Variants in NBEA observed in about 807,000 individuals in gnomAD.
NBEA encodes lysosomal-trafficking regulator 2.
NBEA carries 44 observed loss-of-function variants against 343.4 expected under a neutral mutation model. The ratio of observed to expected loss-of-function variants is 0.13; its 90% CI spans 0.10 to 0.16. The LOEUF is 0.16. Ranked by LOEUF, NBEA falls within the 10% of genes least tolerant of loss-of-function variation. NBEA has a pLI of 1.00. For synonymous variants in NBEA, 1,175 were observed against 1,238.7 expected (o/e 0.95, Z 1.08); for missense variants, 2,555 against 3,631.3 (o/e 0.70, Z 7.62).
intron 34 of NBEA, among the ~76,000 whole-genome samples, chr13:35,273,493 CAAG>C (rs1414962678): frequency 1.3e-5 from 2 of 151,972 alleles, no homozygotes; most frequent in African/African-American, 2.4e-5. Context: ...TAGCAGAAGA[CAAG>C]AAATAACTAA....
At chr13:35,652,688 CTTT>C (rs766315741) in intron 53 of NBEA, among the ~76,000 whole-genome samples, 11,460 of 67,720 alleles carry the variant, frequency 0.17, 606 homozygotes, top group South Asian at 0.3. Flanking sequence ...TTCTGGCAGT[CTTT>C]TTTTTTTTTT....
At chr13:35,266,876 C>T (rs935081334) in intron 34 of NBEA, among the ~76,000 whole-genome samples, 17 of 151,702 alleles carry the variant, frequency 1.1e-4, no homozygotes, top group Admixed American at 1.1e-3. Context: ...TTTTCAACTC[C>T]CCAAAACTTA....
chr13:35,276,844 C>T (rs1413107034), intron 34 of NBEA, among the ~76,000 whole-genome samples: 1 of 152,138 alleles, frequency 6.6e-6, no homozygotes, highest in Non-Finnish European at 1.5e-5. Flanking sequence ...CCTCAGGTTG[C>T]TCTAAGCAAA....
intron 31 of NBEA, among the ~76,000 whole-genome samples, chr13:35,206,424 G>C (rs1430775104): frequency 1.3e-5 from 2 of 152,068 alleles, no homozygotes; most frequent in Admixed American, 1.3e-4. Flanking sequence ...GCAGAAAAAA[G>C]AGCATTATAC....
chr13:35,449,829 G>A (rs576727122), intron 39 of NBEA, among the ~76,000 whole-genome samples: 3 of 152,114 alleles, frequency 2.0e-5, no homozygotes, highest in Non-Finnish European at 4.4e-5. Context: ...GCATTGATTT[G>A]TCATAATACT....
At chr13:35,538,649 G>A (rs2078668230) in intron 41 of NBEA, among the ~76,000 whole-genome samples, 1 of 152,190 alleles carries the variant, frequency 6.6e-6, no homozygotes, top group Non-Finnish European at 1.5e-5. Context: ...TTAGAAGGTA[G>A]GAGGTTGTAC....
chr13:35,369,950 G>A (rs977067546), intron 38 of NBEA, among the ~76,000 whole-genome samples: 1 of 151,906 alleles, frequency 6.6e-6, no homozygotes, highest in Admixed American at 6.6e-5. Context: ...ATAACATATA[G>A]TCAGTCTTGG....
intron 43 of NBEA, among the ~76,000 whole-genome samples, chr13:35,553,247 T>C (rs545585404): frequency 6.6e-6 from 1 of 152,242 alleles, no homozygotes; most frequent in African/African-American, 2.4e-5. Context: ...GTAGTTTTGG[T>C]CTCTCTGTAA....
At chr13:35,311,558 A>G (rs1433842707) in intron 36 of NBEA, among the ~76,000 whole-genome samples, 14 of 152,300 alleles carry the variant, frequency 9.2e-5, no homozygotes, top group Non-Finnish European at 1.6e-4. Flanking sequence ...AATTTTAAAA[A>G]AAATTTCAAT....
intron 1 of NBEA, among the ~76,000 whole-genome samples, chr13:34,976,507 G>C (rs2060179977): frequency 6.6e-6 from 1 of 152,036 alleles, no homozygotes; most frequent in South Asian, 2.1e-4. Flanking sequence ...CAAAAACTCA[G>C]AAATCACCAG....
intron 25 of NBEA, chr13:35,170,963 A>T (rs1301903940): frequency 5.6e-6 from 2 of 356,806 alleles, no homozygotes; most frequent in African/African-American, 4.2e-5. Context: ...AAGTACATAT[A>T]TGTGGTTCTG....
At chr13:35,305,379 G>T (rs563828954) in intron 35 of NBEA, among the ~76,000 whole-genome samples, 1 of 152,194 alleles carries the variant, frequency 6.6e-6, no homozygotes, top group South Asian at 2.1e-4. Flanking sequence ...TTAGATATGG[G>T]TCTATCTCTT....
At chr13:35,321,377 T>C (rs564430698) in intron 36 of NBEA, among the ~76,000 whole-genome samples, 8 of 152,198 alleles carry the variant, frequency 5.3e-5, no homozygotes, top group Non-Finnish European at 1.2e-4. Context: ...TGGAGTTTGC[T>C]GGAGGTCCAC....
At chr13:35,539,587 T>A (rs1594918459) in intron 41 of NBEA, among the ~76,000 whole-genome samples, 1 of 152,048 alleles carries the variant, frequency 6.6e-6, no homozygotes, top group Admixed American at 6.5e-5. Flanking sequence ...TGCAAATTTT[T>A]AAAAAATGTT....
intron 34 of NBEA, among the ~76,000 whole-genome samples, chr13:35,269,387 A>G (rs1297761033): frequency 6.6e-6 from 1 of 152,196 alleles, no homozygotes; most frequent in Non-Finnish European, 1.5e-5. Flanking sequence ...AAGACCAAGT[A>G]AGATTGGGCA....
intron 1 of NBEA, among the ~76,000 whole-genome samples, chr13:35,008,712 C>T (rs1483146497): frequency 6.6e-6 from 1 of 152,198 alleles, no homozygotes; most frequent in African/African-American, 2.4e-5. Context: ...CAACCCCTGG[C>T]AGTCCAGTAA....
intron 1 of NBEA, among the ~76,000 whole-genome samples, chr13:34,965,766 G>A (rs535467131): frequency 6.6e-6 from 1 of 152,082 alleles, no homozygotes; most frequent in East Asian, 1.9e-4. Flanking sequence ...GGGGTGGGAG[G>A]AGGAGAAATT....
At chr13:35,450,426 G>A (rs929229645) in intron 39 of NBEA, among the ~76,000 whole-genome samples, 6 of 152,158 alleles carry the variant, frequency 3.9e-5, no homozygotes, top group African/African-American at 1.4e-4. Flanking sequence ...GGTCGATGCT[G>A]CAGTGAGCTG....
intron 48 of NBEA, among the ~76,000 whole-genome samples, chr13:35,622,229 T>C (rs901852319): frequency 2.0e-5 from 3 of 152,178 alleles, no homozygotes; most frequent in African/African-American, 7.2e-5. Flanking sequence ...GTGAAGTGTC[T>C]GTGCTGGGGA....
Sources: gnomAD v4.1 joint callset for allele counts (sites outside exome capture counted in the v4.1 genomes callset) on GRCh38, gnomAD v4.1.1 for gene constraint, MANE v1.5 for transcripts, NCBI Gene and HGNC (gene_info 2026-07-23, HGNC 2026-07-21) for gene names.